The following TBC1D32 variants were observed in gnomAD, a reference collection of about 807,000 sequenced individuals.
The protein encoded by TBC1D32 is TBC1 domain family member 32, also known as protein broad-minded.
In TBC1D32, 151 loss-of-function variants were observed where a neutral mutation model predicts 170.3. That is an observed-to-expected ratio of 0.89 (90% CI 0.78 to 1.01). The LOEUF (loss-of-function observed/expected upper bound fraction) is 1.01. Ranked by LOEUF, TBC1D32 falls within the 50% of genes least tolerant of loss-of-function variation. The pLI is 0.00. For missense variants in TBC1D32, 1,464 were observed against 1,457.1 expected (o/e 1.00, Z -0.08); for synonymous variants, 498 against 488.0 (o/e 1.02, Z -0.27).
intron 17 of TBC1D32, among the ~76,000 whole-genome samples, chr6:121,245,779 T>G (rs1360155439): frequency 6.6e-6 from 1 of 151,114 alleles, no homozygotes; most frequent in Non-Finnish European, 1.5e-5. Flanking sequence ...GGAGAGTGAC[T>G]ATTACTCCCT....
intron 22 of TBC1D32, among the ~76,000 whole-genome samples, chr6:121,179,098 C>A (rs1297137239): frequency 6.6e-6 from 1 of 152,032 alleles, no homozygotes; most frequent in African/African-American, 2.4e-5. Flanking sequence ...CCAACTTTAA[C>A]ACCTAAGCAA....
chr6:121,152,256 A>G (rs1024926879), intron 24 of TBC1D32, among the ~76,000 whole-genome samples: 1 of 152,208 alleles, frequency 6.6e-6, no homozygotes, highest in African/African-American at 2.4e-5. Flanking sequence ...TTCTTCACTT[A>G]TGAAGCTTAG....
chr6:121,275,985 G>A (rs2128436211), intron 15 of TBC1D32, among the ~76,000 whole-genome samples: 1 of 151,840 alleles, frequency 6.6e-6, no homozygotes, highest in South Asian at 2.1e-4. Flanking sequence ...CGGGCAAGGT[G>A]GTGCACACCT....
chr6:121,221,368 T>G (rs555842110), intron 21 of TBC1D32, among the ~76,000 whole-genome samples: 2 of 152,346 alleles, frequency 1.3e-5, no homozygotes, highest in Non-Finnish European at 2.9e-5. Context: ...TTTTTGTGCC[T>G]GCTAACATAA....
At chr6:121,278,699 T>C (rs1439650140) in intron 15 of TBC1D32, among the ~76,000 whole-genome samples, 1 of 152,112 alleles carries the variant, frequency 6.6e-6, no homozygotes, top group Non-Finnish European at 1.5e-5. Flanking sequence ...TATAATACCA[T>C]TTTTGTAAAG....
At chr6:121,312,020 A>G (rs1201857043) in intron 3 of TBC1D32, among the ~76,000 whole-genome samples, 1 of 152,226 alleles carries the variant, frequency 6.6e-6, no homozygotes, top group Non-Finnish European at 1.5e-5. Flanking sequence ...AATACTACGC[A>G]GCCATAAAAA....
chr6:121,325,647 G>A (rs768919706), intron 1 of TBC1D32, among the ~76,000 whole-genome samples: 15 of 152,236 alleles, frequency 9.9e-5, no homozygotes, highest in African/African-American at 2.4e-4. Context: ...AGACTTAAAC[G>A]TAAGACCTAA....
chr6:121,327,590 G>A (rs1047802394), intron 1 of TBC1D32, among the ~76,000 whole-genome samples: 1 of 152,222 alleles, frequency 6.6e-6, no homozygotes, highest in African/African-American at 2.4e-5. Context: ...ACAGAGGGTA[G>A]TCTGGTAAAG....
intron 9 of TBC1D32, among the ~76,000 whole-genome samples, chr6:121,300,747 C>A (rs764842327): frequency 6.6e-6 from 1 of 152,150 alleles, no homozygotes; most frequent in Non-Finnish European, 1.5e-5. Context: ...TCAGAGTGAA[C>A]AGGCAGCCTA....
At position 121,159,335 on chromosome 6, in the gene TBC1D32, C is replaced by A. The variant is rs147935768; in HGVS notation, c.2773+675G>T. Among the ~76,000 whole-genome samples, 554 of 152,214 alleles carry A rather than the reference C, an allele frequency of 3.6e-3. 2 individuals carry two copies. The highest frequency in any genetic ancestry group is 0.012 in the African/African-American group (519 of 41,540). Reference sequence around the variant, plus strand: ...GAGTATACAAGACCTGTGTATAGCACATAGCAGTTACTAAAAATTACTACT... The same window carrying A: ...GAGTATACAAGACCTGTGTATAGCAAATAGCAGTTACTAAAAATTACTACT... On this transcript the variant is annotated intron_variant, in intron 24 of 31. Coordinates refer to ENST00000398212, the MANE Select transcript of TBC1D32 (RefSeq NM_152730.6).
chr6:121,237,698 G>A (rs1056120328), intron 20 of TBC1D32, among the ~76,000 whole-genome samples: 2 of 150,506 alleles, frequency 1.3e-5, no homozygotes, highest in African/African-American at 4.9e-5. Context: ...ATGGCTATCT[G>A]GTTCTTTTAC....
chr6:121,314,847 T>A (rs1808704736), intron 3 of TBC1D32, among the ~76,000 whole-genome samples: 1 of 152,202 alleles, frequency 6.6e-6, no homozygotes, highest in Non-Finnish European at 1.5e-5. Flanking sequence ...TGTCTCTGAA[T>A]GGTGTCCATT....
At chr6:121,131,546 A>G (rs1781439379) in intron 25 of TBC1D32, 81 bp downstream of exon 25, 1 of 1,439,576 alleles carries the variant, frequency 6.9e-7, no homozygotes, top group Non-Finnish European at 9.4e-7. Context: ...ACATATGCCA[A>G]TACTAATCTT....
At chr6:121,305,440 T>C (rs1392238245) in intron 5 of TBC1D32, among the ~76,000 whole-genome samples, 2 of 152,014 alleles carry the variant, frequency 1.3e-5, no homozygotes, top group East Asian at 3.8e-4. Flanking sequence ...CCTTTAATTA[T>C]ACCTACTTTA....
intron 22 of TBC1D32, among the ~76,000 whole-genome samples, chr6:121,189,302 G>C (rs1789607059): frequency 6.6e-6 from 1 of 151,282 alleles, no homozygotes; most frequent in African/African-American, 2.4e-5. Context: ...ATTATAACCA[G>C]GGTCAGTCCA....
At chr6:121,089,893 G>T (rs1367043723) in intron 31 of TBC1D32, among the ~76,000 whole-genome samples, 1 of 151,732 alleles carries the variant, frequency 6.6e-6, no homozygotes, top group Non-Finnish European at 1.5e-5. Context: ...CTGTGGGATG[G>T]CAAAGGTAGT....
rs1244654389 is a variant in TBC1D32, at chr6:121,160,879, T to C, written c.2679+69A>G. 4 of 1,218,560 alleles carry C rather than the reference T, an allele frequency of 3.3e-6. No homozygotes were observed. In the African/African-American group the frequency reaches 4.5e-5, roughly 14 times the overall value. 75.5% of individuals were successfully genotyped at this position (1,218,560 alleles called of 1,614,324 possible). ...TTAAGAGGTAAAGTTTAGGGTGACT[T>C]TGAGTTGGCTATCTTGCTTCAAAAT... On this transcript the variant is annotated intron_variant, in intron 23 of 31. Coordinates refer to ENST00000398212, the MANE Select transcript of TBC1D32 (RefSeq NM_152730.6).
chr6:121,229,395 C>A (rs975667321), intron 20 of TBC1D32, among the ~76,000 whole-genome samples: 4 of 152,110 alleles, frequency 2.6e-5, no homozygotes, highest in Non-Finnish European at 5.9e-5. Flanking sequence ...CAAGCTCAGG[C>A]CATTTGACCT....
At chr6:121,223,098 A>G in intron 21 of TBC1D32, 138 bp downstream of exon 21, 1 of 573,398 alleles carries the variant, frequency 1.7e-6, no homozygotes, top group Non-Finnish European at 3.0e-6. Flanking sequence ...GATATAATTC[A>G]TGCATGATTA....
Sources: allele counts gnomAD v4.1 joint callset (sites outside exome capture counted in the v4.1 genomes callset), GRCh38; gene constraint gnomAD v4.1.1; transcripts MANE v1.5; gene names NCBI Gene and HGNC (gene_info 2026-07-23, HGNC 2026-07-21).